CTNND2: variants seen among roughly 807,000 people sequenced by gnomAD.
CTNND2 encodes catenin delta-2.
Under a neutral mutation model 144.4 loss-of-function variants are expected in CTNND2, and 22 were observed. That is an observed-to-expected ratio of 0.15 (90% CI 0.11 to 0.22). CTNND2 has a LOEUF of 0.22. Among genes scored for constraint, CTNND2 ranks in the 10% least tolerant of loss-of-function variants. CTNND2 has a pLI of 1.00. For missense variants in CTNND2, 1,353 were observed against 1,618.8 expected (o/e 0.84, Z 2.82); for synonymous variants, 751 against 695.6 (o/e 1.08, Z -1.25).
Position 11,159,616 on chromosome 5 carries a change from G to A in CTNND2, c.2119C>T (p.His707Tyr). The change falls in exon 12 of 22, where the codon CAT becomes TAT. Residue 707 changes from histidine to tyrosine, a missense_variant. His to Tyr is a moderately conservative substitution (Grantham distance 83). Coordinates refer to ENST00000304623, the MANE Select transcript of CTNND2 (RefSeq NM_001332.4). Reference sequence around the variant, plus strand: ...GCGTTACGCAGCACCTGTGATGAATGCAGCTGTATTTTCCGATCATCCTGA... The same window carrying A: ...GCGTTACGCAGCACCTGTGATGAATACAGCTGTATTTTCCGATCATCCTGA... ...PLQDDRKIQL[H>Y]SSQVLRNATG... is the part of the protein sequence containing the mutation. 1 of 1,613,580 alleles carries A rather than the reference G, an allele frequency of 6.2e-7. No individual in the cohort carries two copies. Among genetic ancestry groups the A allele is most frequent in the South Asian group, 1.1e-5 (1 of 90,888 alleles).
chr5:11,311,801 A>C, intron 9 of CTNND2, among the ~76,000 whole-genome samples: 2 of 41,044 alleles, frequency 4.9e-5, no homozygotes, highest in African/African-American at 1.9e-4. Flanking sequence ...ACACACACAC[A>C]CTCCCCATAC....
At chr5:11,575,461 C>T (rs943639125) in intron 2 of CTNND2, among the ~76,000 whole-genome samples, 4 of 152,146 alleles carry the variant, frequency 2.6e-5, no homozygotes, top group Non-Finnish European at 4.4e-5. Context: ...TGCTCCCTCA[C>T]TCTACCTCTC....
intron 9 of CTNND2, among the ~76,000 whole-genome samples, chr5:11,299,683 T>A (rs188198016): frequency 2.0e-5 from 3 of 152,192 alleles, no homozygotes; most frequent in Non-Finnish European, 4.4e-5. Context: ...CGTGAAACTT[T>A]CCTGCCAAGG....
At chr5:11,282,508 C>T (rs778189508) in intron 9 of CTNND2, among the ~76,000 whole-genome samples, 27 of 152,120 alleles carry the variant, frequency 1.8e-4, no homozygotes, top group African/African-American at 5.3e-4. Context: ...TAAAGATGAA[C>T]GCTACAGCCT....
At chr5:11,319,167 G>T (rs1751795000) in intron 9 of CTNND2, among the ~76,000 whole-genome samples, 1 of 151,870 alleles carries the variant, frequency 6.6e-6, no homozygotes, top group Non-Finnish European at 1.5e-5. Flanking sequence ...CTCATTTTCT[G>T]TAGAACCTTC....
chr5:11,524,830 T>C (rs891769280), intron 3 of CTNND2, among the ~76,000 whole-genome samples: 5 of 152,286 alleles, frequency 3.3e-5, no homozygotes, highest in South Asian at 2.1e-4. Flanking sequence ...GCAAAACTTA[T>C]TTTGTTTCTC....
At chr5:11,606,366 T>C (rs1780042208) in intron 2 of CTNND2, among the ~76,000 whole-genome samples, 1 of 152,144 alleles carries the variant, frequency 6.6e-6, no homozygotes, top group Admixed American at 6.5e-5. Context: ...ACTAAGTTTG[T>C]ACCAATTCAC....
chr5:11,190,968 C>A (rs1736181637), intron 11 of CTNND2, among the ~76,000 whole-genome samples: 1 of 152,140 alleles, frequency 6.6e-6, no homozygotes, highest in African/African-American at 2.4e-5. Flanking sequence ...AGCAAAGTGT[C>A]CAACTTAGGA....
chr5:11,199,210 T>C (rs1247692958), intron 11 of CTNND2, among the ~76,000 whole-genome samples: 1 of 152,230 alleles, frequency 6.6e-6, no homozygotes, highest in African/African-American at 2.4e-5. Flanking sequence ...TGACAAAAAC[T>C]GTTCATGATC....
chr5:11,295,763 G>C (rs1748887191), intron 9 of CTNND2, among the ~76,000 whole-genome samples: 1 of 152,150 alleles, frequency 6.6e-6, no homozygotes, highest in African/African-American at 2.4e-5. Flanking sequence ...ACTGTGCTGG[G>C]AAAACTGCCT....
At chr5:11,769,761 T>G (rs4412116) in intron 1 of CTNND2, among the ~76,000 whole-genome samples, 15,101 of 152,170 alleles carry the variant, frequency 0.099, 2,038 homozygotes, top group African/African-American at 0.3. Flanking sequence ...CATTACAGTA[T>G]AAGTGATTAA....
intron 2 of CTNND2, among the ~76,000 whole-genome samples, chr5:11,706,903 G>A (rs542135859): frequency 6.6e-6 from 1 of 152,118 alleles, no homozygotes; most frequent in East Asian, 1.9e-4. Context: ...GGCTAACGCG[G>A]TGAAACCCCA....
At chr5:11,399,413 T>C (rs1760436000) in intron 5 of CTNND2, among the ~76,000 whole-genome samples, 3 of 152,236 alleles carry the variant, frequency 2.0e-5, no homozygotes, top group Admixed American at 2.0e-4. Context: ...CCTCATTATT[T>C]GTCTTTCAAA....
At chr5:11,877,735 ATC>A (rs2127064714) in intron 1 of CTNND2, among the ~76,000 whole-genome samples, 1 of 152,174 alleles carries the variant, frequency 6.6e-6, no homozygotes, top group East Asian at 1.9e-4. Context: ...CATCATCATC[ATC>A]ATCATCATAT....
intron 20 of CTNND2, chr5:10,986,822 G>A (rs745727246): frequency 1.4e-5 from 5 of 356,064 alleles, no homozygotes; most frequent in East Asian, 8.8e-5. Context: ...AAACACTGCC[G>A]CTGGGGTAAA....
chr5:11,170,240 G>C (rs575346394), intron 11 of CTNND2, among the ~76,000 whole-genome samples: 1 of 152,242 alleles, frequency 6.6e-6, no homozygotes, highest in South Asian at 2.1e-4. Context: ...GATGTGGCGT[G>C]CTATCCTTTC....
chr5:11,442,784 T>C (rs1390804140), intron 3 of CTNND2, among the ~76,000 whole-genome samples: 2 of 147,260 alleles, frequency 1.4e-5, no homozygotes, highest in South Asian at 2.1e-4. Flanking sequence ...AATCATTATA[T>C]ATATAATTAT....
chr5:11,446,017 G>A (rs1264179327), intron 3 of CTNND2, among the ~76,000 whole-genome samples: 1 of 152,158 alleles, frequency 6.6e-6, no homozygotes, highest in African/African-American at 2.4e-5. Context: ...TGTCACCCAG[G>A]GTGGAGTGCA....
chr5:11,603,322 C>A (rs1358896287), intron 2 of CTNND2, among the ~76,000 whole-genome samples: 1 of 152,160 alleles, frequency 6.6e-6, no homozygotes, highest in Non-Finnish European at 1.5e-5. Flanking sequence ...CCACAATGAA[C>A]CATCCCATGA....
Sources: allele counts gnomAD v4.1 joint callset (sites outside exome capture counted in the v4.1 genomes callset), GRCh38; gene constraint gnomAD v4.1.1; transcripts MANE v1.5; gene names NCBI Gene and HGNC (gene_info 2026-07-23, HGNC 2026-07-21).